Variants in TANGO6 observed in about 807,000 individuals in gnomAD.
TANGO6 encodes the protein transport and Golgi organization protein 6 homolog.
Under a neutral mutation model 114.2 loss-of-function variants are expected in TANGO6, and 90 were observed. The ratio of observed to expected loss-of-function variants is 0.79; its 90% confidence interval spans 0.66 to 0.94. The LOEUF is 0.94. Among genes scored for constraint, TANGO6 ranks in the 40% least tolerant of loss-of-function variants. The pLI is 0.00. For missense variants in TANGO6, 1,274 were observed against 1,315.3 expected, an observed-to-expected ratio of 0.97 and a Z score of 0.49; for synonymous variants, 477 against 509.8, an observed-to-expected ratio of 0.94 and a Z score of 0.87.
At chr16:69,070,368 C>T (rs907573501) in intron 17 of TANGO6, among the ~76,000 whole-genome samples, 1 of 152,036 alleles carries the variant, frequency 6.6e-6, no homozygotes, top group South Asian at 2.1e-4. Context: ...CGCAGTGGCT[C>T]ACGCCTGTAA....
At chr16:68,920,967 G>A (rs1423155048) in intron 12 of TANGO6, among the ~76,000 whole-genome samples, 1 of 151,198 alleles carries the variant, frequency 6.6e-6, no homozygotes, top group Non-Finnish European at 1.5e-5. Flanking sequence ...CAAAAAAAAG[G>A]TGGCGGGTGC....
chr16:69,063,035 C>G (rs1382836937), intron 17 of TANGO6, among the ~76,000 whole-genome samples: 1 of 151,806 alleles, frequency 6.6e-6, no homozygotes, highest in Non-Finnish European at 1.5e-5. Flanking sequence ...CGAGACCAAC[C>G]TGGCCAACAT....
chr16:68,941,538 G>A (rs1462434316), intron 14 of TANGO6, among the ~76,000 whole-genome samples: 1 of 151,916 alleles, frequency 6.6e-6, no homozygotes, highest in Non-Finnish European at 1.5e-5. Context: ...GAGGACAGGA[G>A]TTTGAGACCA....
At chr16:68,920,954 A>T (rs549560904) in intron 12 of TANGO6, among the ~76,000 whole-genome samples, 6 of 151,462 alleles carry the variant, frequency 4.0e-5, no homozygotes, top group Admixed American at 3.9e-4. Context: ...TCTACTAAAA[A>T]TACAAAAAAA....
chr16:68,844,349 C>A (rs1961770906), intron 1 of TANGO6, among the ~76,000 whole-genome samples: 1 of 152,086 alleles, frequency 6.6e-6, no homozygotes, highest in Non-Finnish European at 1.5e-5. Flanking sequence ...TCCAAGATCA[C>A]GTGGTCAAAT....
At chr16:68,962,141 A>G (rs1183322977) in intron 14 of TANGO6, among the ~76,000 whole-genome samples, 1 of 152,266 alleles carries the variant, frequency 6.6e-6, no homozygotes, top group East Asian at 1.9e-4. Context: ...AGTTCCCCAT[A>G]CTTCCTTTAT....
chr16:69,044,328 C>T (rs1038629025), intron 17 of TANGO6, among the ~76,000 whole-genome samples: 9 of 152,108 alleles, frequency 5.9e-5, no homozygotes, highest in Non-Finnish European at 1.3e-4. Context: ...GCCCTGCATT[C>T]ACTTTGTTAT....
intron 17 of TANGO6, among the ~76,000 whole-genome samples, chr16:69,049,310 T>G (rs936322418): frequency 6.6e-6 from 1 of 152,170 alleles, no homozygotes; most frequent in Admixed American, 6.6e-5. Context: ...GATTTGCCTA[T>G]TCTAGACATT....
intron 14 of TANGO6, among the ~76,000 whole-genome samples, chr16:68,969,740 T>C (rs1194640451): frequency 6.6e-6 from 1 of 151,832 alleles, no homozygotes; most frequent in Non-Finnish European, 1.5e-5. Flanking sequence ...AAGGGTGTGT[T>C]AGGATTATTT....
chr16:69,079,466 T>A (rs8044066), intron 17 of TANGO6, among the ~76,000 whole-genome samples: 22,004 of 151,796 alleles, frequency 0.14, 2,456 homozygotes, highest in African/African-American at 0.32. Flanking sequence ...ATTTGATAAA[T>A]TTAACTACAT....
chr16:69,043,624 C>T (rs569610993), intron 17 of TANGO6, among the ~76,000 whole-genome samples: 1 of 152,152 alleles, frequency 6.6e-6, no homozygotes, highest in East Asian at 1.9e-4. Flanking sequence ...TCCTTGAGAC[C>T]AGGTGTGTTA....
At chr16:69,028,582 A>G (rs1300046975) in intron 16 of TANGO6, among the ~76,000 whole-genome samples, 1 of 152,098 alleles carries the variant, frequency 6.6e-6, no homozygotes, top group East Asian at 1.9e-4. Context: ...GCAGTGAGCT[A>G]AAACTGCGCC....
intron 15 of TANGO6, among the ~76,000 whole-genome samples, chr16:68,995,748 A>G (rs1042790216): frequency 2.6e-5 from 4 of 152,156 alleles, no homozygotes; most frequent in Admixed American, 2.6e-4. Flanking sequence ...CTTCTCTTCT[A>G]CCCATGCCTT....
At chr16:69,030,199 G>A (rs934265902) in intron 16 of TANGO6, among the ~76,000 whole-genome samples, 65 of 151,624 alleles carry the variant, frequency 4.3e-4, no homozygotes, top group African/African-American at 1.6e-3. Flanking sequence ...AACAACTGCC[G>A]TGTTAGGGGC....
At chr16:68,903,990 C>G (rs893581304) in intron 9 of TANGO6, among the ~76,000 whole-genome samples, 1 of 151,774 alleles carries the variant, frequency 6.6e-6, no homozygotes, top group Non-Finnish European at 1.5e-5. Flanking sequence ...TCTTTAGATC[C>G]AGAGTTTTTA....
In TANGO6 at chr16:68,930,233, TC is replaced by T; in HGVS notation, c.2644-3del. On this transcript the variant is annotated splice_polypyrimidine_tract_variant and splice_region_variant and intron_variant, in intron 13 of 17. Coordinates refer to ENST00000261778, the MANE Select transcript of TANGO6 (RefSeq NM_024562.2). Reference sequence around the variant, plus strand: ...TCTTATCACTGCTGTATTTTGTGGTTCCAGATATTCTTGGAAAACTTGGAAC... The same window carrying T: ...TCTTATCACTGCTGTATTTTGTGGTTCAGATATTCTTGGAAAACTTGGAAC... 2 of 1,552,604 alleles carry T rather than the reference TC, an allele frequency of 1.3e-6. No homozygotes were observed. Among genetic ancestry groups the T allele is most frequent in the Non-Finnish European group, 1.7e-6 (2 of 1,147,104 alleles).
At chr16:68,884,199 C>T (rs971045329) in intron 7 of TANGO6, among the ~76,000 whole-genome samples, 6 of 152,276 alleles carry the variant, frequency 3.9e-5, no homozygotes, top group Admixed American at 2.0e-4. Context: ...CATAAGCCAC[C>T]GTGCCCGGCC....
chr16:69,007,087 C>G (rs933421702), intron 15 of TANGO6: 2 of 152,180 alleles, frequency 1.3e-5, no homozygotes, highest in Admixed American at 1.3e-4. Flanking sequence ...TGCCTGTAAT[C>G]CTTGCACAGG....
chr16:68,933,284 G>A (rs1486090978), intron 14 of TANGO6, among the ~76,000 whole-genome samples: 5 of 152,156 alleles, frequency 3.3e-5, no homozygotes, highest in African/African-American at 1.2e-4. Context: ...GCATGGTGGT[G>A]TGTGCCTGTA....
Sources: gnomAD v4.1 joint callset for allele counts (sites outside exome capture counted in the v4.1 genomes callset) on GRCh38, gnomAD v4.1.1 for gene constraint, MANE v1.5 for transcripts, NCBI Gene and HGNC (gene_info 2026-07-23, HGNC 2026-07-21) for gene names.